The following TAFA2 variants were observed in gnomAD, a reference collection of about 807,000 sequenced individuals.
TAFA2 encodes the protein chemokine-like protein TAFA-2.
A neutral mutation model predicts 18.8 loss-of-function variants in TAFA2; 7 were observed. The ratio of observed to expected loss-of-function variants is 0.37; its 90% confidence interval spans 0.21 to 0.70. The LOEUF is 0.70. Among genes scored for constraint, TAFA2 ranks in the 30% least tolerant of loss-of-function variants. The pLI is 0.53. For synonymous variants in TAFA2, 60 were observed against 54.2 expected, an observed-to-expected ratio of 1.11 and a Z score of -0.47; for missense variants, 122 against 158.1, an observed-to-expected ratio of 0.77 and a Z score of 1.23.
At chr12:62,078,552 C>A (rs1295148708) in intron 1 of TAFA2, among the ~76,000 whole-genome samples, 1 of 151,502 alleles carries the variant, frequency 6.6e-6, no homozygotes, top group Non-Finnish European at 1.5e-5. Context: ...GTAGATTTAA[C>A]AGGCCAATGA....
At chr12:62,043,888 AATT>A (rs1270329865) in intron 1 of TAFA2, among the ~76,000 whole-genome samples, 2 of 152,186 alleles carry the variant, frequency 1.3e-5, no homozygotes, top group Non-Finnish European at 2.9e-5. Context: ...CTGTATTAAC[AATT>A]ATGATAACTA....
At chr12:61,824,589 A>G (rs550459346) in intron 2 of TAFA2, among the ~76,000 whole-genome samples, 2 of 152,316 alleles carry the variant, frequency 1.3e-5, no homozygotes, top group East Asian at 3.9e-4. Context: ...TTATTGTCTC[A>G]GAATACTGAA....
At chr12:62,084,940 T>A (rs1430465201) in intron 1 of TAFA2, among the ~76,000 whole-genome samples, 1 of 152,224 alleles carries the variant, frequency 6.6e-6, no homozygotes, top group South Asian at 2.1e-4. Context: ...TTTGGGATCA[T>A]AATGAAAAGA....
At chr12:62,065,562 C>T (rs942362783) in intron 1 of TAFA2, among the ~76,000 whole-genome samples, 3 of 151,980 alleles carry the variant, frequency 2.0e-5, no homozygotes, top group Admixed American at 1.3e-4. Flanking sequence ...TGGGCACAGG[C>T]CCAGAGCCCC....
At chr12:61,995,438 A>G (rs1431793827) in intron 1 of TAFA2, among the ~76,000 whole-genome samples, 1 of 152,066 alleles carries the variant, frequency 6.6e-6, no homozygotes, top group Non-Finnish European at 1.5e-5. Flanking sequence ...ATTGTATACT[A>G]TGTTTTATCA....
At chr12:62,024,653 A>G (rs1423633941) in intron 1 of TAFA2, among the ~76,000 whole-genome samples, 1 of 152,128 alleles carries the variant, frequency 6.6e-6, no homozygotes, top group African/African-American at 2.4e-5. Context: ...AGTATAAGAA[A>G]CCATCAACAG....
chr12:62,133,853 G>A (rs1245440), intron 1 of TAFA2, among the ~76,000 whole-genome samples: 72,660 of 151,902 alleles, frequency 0.48, 17,707 homozygotes, highest in African/African-American at 0.52. Context: ...GGCTAGCTTC[G>A]TGGCTTTGCC....
Position 61,753,623 on chromosome 12 carries a change from C to T in TAFA2, c.383G>A (p.Arg128Lys). The stretch of plus-strand genomic sequence containing the variant: ...TTCCCAAGCTTGCTGTCCACTTACC[C>T]TAGTTGTTTTGACTTTATTCCCAGA... ...CSSGNKVKTT[R>K]VTH Residue 128 changes from arginine (R) to lysine (K), a missense_variant and splice_region_variant, in exon 4 of 5, where the codon AGG (arginine) becomes AAG (lysine). Arg to Lys is a conservative substitution (Grantham distance 26). This residue lies in a region of TAFA2 where 60 missense variants were observed against 102.7 expected (regional missense o/e 0.58). Coordinates refer to ENST00000416284, the MANE Select transcript of TAFA2 (RefSeq NM_178539.5). 6.2e-7 allele frequency: 1 copy of T among 1,611,702 alleles called. No homozygotes were observed. Among genetic ancestry groups the T allele is most frequent in the Non-Finnish European group, 8.5e-7 (1 of 1,178,630 alleles).
chr12:61,761,775 T>C (rs1331630707), intron 2 of TAFA2, among the ~76,000 whole-genome samples: 1 of 152,006 alleles, frequency 6.6e-6, no homozygotes, highest in African/African-American at 2.4e-5. Context: ...GAAATCATGA[T>C]CTTGACCATT....
At chr12:61,977,036 C>A (rs1022195039) in intron 1 of TAFA2, among the ~76,000 whole-genome samples, 1 of 152,010 alleles carries the variant, frequency 6.6e-6, no homozygotes, top group African/African-American at 2.4e-5. Flanking sequence ...TGGGTATATA[C>A]CCAGTAATGG....
intron 1 of TAFA2, among the ~76,000 whole-genome samples, chr12:61,900,364 C>T (rs2121315790): frequency 6.6e-6 from 1 of 152,314 alleles, no homozygotes; most frequent in East Asian, 1.9e-4. Flanking sequence ...ATTGCCAACA[C>T]TTGATGTAGA....
At chr12:61,767,763 G>A (rs1869852909) in intron 2 of TAFA2, among the ~76,000 whole-genome samples, 1 of 151,730 alleles carries the variant, frequency 6.6e-6, no homozygotes, top group South Asian at 2.1e-4. Flanking sequence ...AATTATTAAA[G>A]AGGACAAGGA....
At chr12:62,082,276 A>C (rs1252298778) in intron 1 of TAFA2, among the ~76,000 whole-genome samples, 1 of 152,182 alleles carries the variant, frequency 6.6e-6, no homozygotes, top group Non-Finnish European at 1.5e-5. Flanking sequence ...TATCTTTATA[A>C]TAGAACAAAT....
intron 1 of TAFA2, chr12:61,880,602 A>T: frequency 2.3e-6 from 1 of 431,226 alleles, no homozygotes; most frequent in South Asian, 1.7e-5. Flanking sequence ...AGCTCGGCCT[A>T]TGGGGGCCTC....
At chr12:61,757,381 C>T (rs1354921108) in intron 2 of TAFA2, among the ~76,000 whole-genome samples, 29 of 151,904 alleles carry the variant, frequency 1.9e-4, no homozygotes, top group Non-Finnish European at 1.5e-5. Context: ...TAGAGAAGGC[C>T]TAGGAAAGAG....
At chr12:61,939,814 C>A (rs1311545228) in intron 1 of TAFA2, among the ~76,000 whole-genome samples, 1 of 152,128 alleles carries the variant, frequency 6.6e-6, no homozygotes, top group African/African-American at 2.4e-5. Context: ...AAAGTAAGAT[C>A]CAGAGAAAAA....
chr12:61,752,419 C>T (rs1869062440), intron 4 of TAFA2, among the ~76,000 whole-genome samples: 1 of 151,920 alleles, frequency 6.6e-6, no homozygotes, highest in Admixed American at 6.6e-5. Flanking sequence ...AAAATATTTT[C>T]ATGGTATAAA....
At chr12:61,982,540 AG>A (rs1390971789) in intron 1 of TAFA2, among the ~76,000 whole-genome samples, 7 of 152,188 alleles carry the variant, frequency 4.6e-5, no homozygotes, top group South Asian at 2.1e-4. Context: ...ATACCTATCC[AG>A]GTTCTTAACA....
intron 1 of TAFA2, among the ~76,000 whole-genome samples, chr12:62,002,177 C>G (rs1880400745): frequency 6.6e-6 from 1 of 152,064 alleles, no homozygotes; most frequent in Non-Finnish European, 1.5e-5. Context: ...TTTCATATAG[C>G]CTAGGACATA....
Sources: gnomAD v4.1 joint callset for allele counts (sites outside exome capture counted in the v4.1 genomes callset) on GRCh38, gnomAD v4.1.1 for gene constraint, gnomAD v4.1.1 regional missense constraint, MANE v1.5 for transcripts, NCBI Gene and HGNC (gene_info 2026-07-23, HGNC 2026-07-21) for gene names.